Variants in ACADS observed in about 807,000 individuals in gnomAD.
ACADS encodes the protein acyl-CoA dehydrogenase short chain.
In ACADS, 28 loss-of-function variants were observed where a neutral mutation model predicts 46.8. The observed-to-expected ratio is 0.60, with a 90% confidence interval of 0.44 to 0.82. The LOEUF (loss-of-function observed/expected upper bound fraction) is 0.82. Ranked by LOEUF, ACADS falls within the 40% of genes least tolerant of loss-of-function variation. ACADS has a pLI of 0.00. For missense variants in ACADS, 528 were observed against 578.0 expected, an observed-to-expected ratio of 0.91 and a Z score of 0.89; for synonymous variants, 236 against 237.7, an observed-to-expected ratio of 0.99 and a Z score of 0.07.
chr12:120,737,876 G>C lies in ACADS; in HGVS notation c.512G>C (p.Arg171Pro). Residue 171 changes from arginine to proline, a missense_variant, in exon 5 of 10, where the codon CGG (arginine) becomes CCG (proline). Arg to Pro is a moderately radical substitution (Grantham distance 103). Transcript: ENST00000242592. The part of the protein sequence containing the change: ...SDAGAASTTA[R>P]AEGDSWVLNG... ...GCAGGAGCTGCGTCCACCACCGCCC[G>C]GGCCGAGGGCGACTCATGGGTTCTG... is the stretch of plus-strand genomic sequence containing the variant. The C allele has an allele frequency of 6.2e-7, 1 of 1,614,058 alleles. No homozygotes were observed. Among genetic ancestry groups the C allele is most frequent in the Non-Finnish European group, 8.5e-7 (1 of 1,179,966 alleles).
chr12:120,730,273 G>A (rs776423498), intron 2 of ACADS, among the ~76,000 whole-genome samples: 3 of 152,154 alleles, frequency 2.0e-5, no homozygotes, highest in Non-Finnish European at 2.9e-5. Context: ...GAGCCACCGC[G>A]CCCAGCTGGT....
At chr12:120,731,629 ATTTAT>A (rs1555243206) in intron 2 of ACADS, among the ~76,000 whole-genome samples, 1 of 149,502 alleles carries the variant, frequency 6.7e-6, no homozygotes, top group Non-Finnish European at 1.5e-5. Context: ...TAATTCTTGT[ATTTAT>A]TTTATTTTAT....
chr12:120,738,659 C>T lies in ACADS; in HGVS notation c.922C>T (p.Gln308Ter), dbSNP rs759485193. The T allele has an allele frequency of 5.6e-6, 9 of 1,612,080 alleles. No homozygotes were observed. The highest frequency in any genetic ancestry group is 5.5e-5 in the South Asian group (5 of 91,090). ...CTTCGGGGCGCCCCTCACCAAGCTCCAGGTCATCCAGGTAATGGTGGCAGC... is the reference window on the plus strand; with the variant it reads ...CTTCGGGGCGCCCCTCACCAAGCTCTAGGTCATCCAGGTAATGGTGGCAGC... ...MAFGAPLTKL[Q>*]VIQFKLADMA... Residue 308 changes from glutamine (Q) to a stop codon, truncating the protein, a stop_gained, in exon 7 of 10, where the codon CAG (glutamine) becomes TAG (stop). Coordinates refer to ENST00000242592, the MANE Select transcript of ACADS (RefSeq NM_000017.4). LOFTEE classifies it high-confidence loss of function.
chr12:120,737,735 T>C, intron 4 of ACADS, 102 bp from the exon 5 acceptor site: 1 of 1,532,814 alleles, frequency 6.5e-7, no homozygotes, highest in Non-Finnish European at 8.9e-7. Flanking sequence ...GCCCGAGTCA[T>C]AGGGTTTCGT....
intron 2 of ACADS, among the ~76,000 whole-genome samples, chr12:120,731,889 A>C (rs1293366458): frequency 6.6e-6 from 1 of 152,166 alleles, no homozygotes; most frequent in African/African-American, 2.4e-5. Context: ...CACATCTTGC[A>C]CCGCCCTTAA....
chr12:120,732,582 C>T (rs1433692520), intron 2 of ACADS, among the ~76,000 whole-genome samples: 7 of 149,474 alleles, frequency 4.7e-5, no homozygotes, highest in Non-Finnish European at 7.4e-5. Context: ...AGTTCCCAGA[C>T]GGGGTCGCGG....
chr12:120,736,494 C>G (rs2136947654), intron 2 of ACADS, among the ~76,000 whole-genome samples: 1 of 152,320 alleles, frequency 6.6e-6, no homozygotes, highest in East Asian at 1.9e-4. Context: ...AAGGATTTGA[C>G]TCAGCGAGGC....
At chr12:120,738,188 G>C (rs762621763) in intron 5 of ACADS, 92 bp from the exon 6 acceptor site, 1 of 1,600,150 alleles carries the variant, frequency 6.2e-7, no homozygotes, top group Admixed American at 1.7e-5. Flanking sequence ...TTCTGAGGGA[G>C]GTGGGGAGGG....
At chr12:120,726,861 G>C (rs1452978835) in intron 1 of ACADS, among the ~76,000 whole-genome samples, 165 bp from the exon 2 acceptor site, 2 of 152,116 alleles carry the variant, frequency 1.3e-5, no homozygotes, top group Non-Finnish European at 2.9e-5. Flanking sequence ...TATCCACTGG[G>C]TACCAATAGT....
Position 120,728,676 on chromosome 12 carries a change from T to G in ACADS, c.210+1487T>G, listed in dbSNP as rs1365515289. On this transcript the variant is annotated intron_variant, in intron 2 of 9. Coordinates refer to ENST00000242592, the MANE Select transcript of ACADS (RefSeq NM_000017.4). The surrounding 1 kb of genome is among the most constrained non-coding windows in gnomAD (Gnocchi z 4.0). ...CGCACACCACCATACCCGGCTAATTTTATGTATTTTAGTAGAGACGGGGTT... is the reference window on the plus strand; with the variant it reads ...CGCACACCACCATACCCGGCTAATTGTATGTATTTTAGTAGAGACGGGGTT... Among the ~76,000 whole-genome samples the G allele has an allele frequency of 6.6e-6, 1 of 151,056 alleles. No homozygotes were observed. The highest frequency in any genetic ancestry group is 1.5e-5 in the Non-Finnish European group (1 of 67,766).
At chr12:120,730,205 A>G (rs1265575881) in intron 2 of ACADS, among the ~76,000 whole-genome samples, 1 of 151,830 alleles carries the variant, frequency 6.6e-6, no homozygotes, top group African/African-American at 2.4e-5. Flanking sequence ...CTGGTCTCGA[A>G]CTCTTGACTT....
intron 2 of ACADS, among the ~76,000 whole-genome samples, chr12:120,736,074 C>T (rs1290554104): frequency 6.6e-6 from 1 of 151,998 alleles, no homozygotes; most frequent in African/African-American, 2.4e-5. Flanking sequence ...TTTACTTGTT[C>T]CTTTTTGAAG....
chr12:120,726,435 C>G (rs1021791569), intron 1 of ACADS, among the ~76,000 whole-genome samples: 3 of 152,234 alleles, frequency 2.0e-5, no homozygotes, highest in African/African-American at 7.2e-5. Flanking sequence ...CTGGTTAATA[C>G]AGTACCTTTC....
intron 2 of ACADS, among the ~76,000 whole-genome samples, chr12:120,727,473 C>G (rs990710658): frequency 2.0e-5 from 3 of 152,204 alleles, no homozygotes; most frequent in African/African-American, 7.2e-5. Context: ...ATGCACTAGG[C>G]ACTGTTCTTG....
At chr12:120,729,258 C>CTTTTTTT (rs137894149) in intron 2 of ACADS, among the ~76,000 whole-genome samples, 25 of 123,090 alleles carry the variant, frequency 2.0e-4, no homozygotes, top group Non-Finnish European at 3.1e-4. Flanking sequence ...TTTCTTTTTT[C>CTTTTTTT]TTTTTTTTTT....
Position 120,738,449 on chromosome 12 carries a change from T to C in ACADS, c.794T>C (p.Met265Thr). 1 of 1,609,498 alleles carries C rather than the reference T, an allele frequency of 6.2e-7. No homozygotes were observed. The highest frequency in any genetic ancestry group is 8.5e-7 in the Non-Finnish European group (1 of 1,179,816). Residue 265 changes from methionine to threonine, a missense_variant and splice_region_variant, in exon 6 of 10, where the codon ATG becomes ACG. Physicochemically the swap from Met to Thr is moderately conservative, Grantham distance 81. Coordinates refer to ENST00000242592, the MANE Select transcript of ACADS (RefSeq NM_000017.4). ...CCAGGGATGGGCTTCAAGATAGCCA[T>C]GGTGAGCCCGGCAGTGGGGGTGGCA... is the stretch of plus-strand genomic sequence containing the variant. ...GEPGMGFKIA[M>T]QTLDMGRIGI...
At chr12:120,737,156 C>T (rs372974263) in intron 3 of ACADS, 21 bp downstream of exon 3, 2 of 1,565,598 alleles carry the variant, frequency 1.3e-6, no homozygotes, top group South Asian at 1.2e-5. Context: ...TCCCAGGCCC[C>T]TGGGACACAC....
chr12:120,737,865 C>T lies in ACADS; in HGVS notation c.501C>T (p.Ser167=). Residue 167 remains serine (S), a synonymous_variant, in exon 5 of 10, where the codon TCC becomes TCT. Coordinates refer to ENST00000242592, the MANE Select transcript of ACADS (RefSeq NM_000017.4). The part of the protein sequence containing the change: ...PGNGSDAGAA[S]TTARAEGDSW... ...ACGGCAGTGATGCAGGAGCTGCGTC[C>T]ACCACCGCCCGGGCCGAGGGCGACT... is the stretch of plus-strand genomic sequence containing the variant. The T allele has an allele frequency of 6.2e-7, 1 of 1,613,890 alleles. No homozygotes were observed. The highest frequency in any genetic ancestry group is 1.1e-5 in the South Asian group (1 of 91,068).
In ACADS at chr12:120,728,765, G is replaced by A. The variant is rs541763342; in HGVS notation, c.210+1576G>A. 4.0e-5 allele frequency among the ~76,000 whole-genome samples: 6 copies of A among 150,764 alleles called. No homozygotes were observed. The highest frequency in any genetic ancestry group is 2.6e-4 in the Admixed American group (4 of 15,114). ...CAGGCAATCCACCCGCCTCGGCCTC[G>A]CAAAGTGCTGGGATTACAGGCGTGA... On this transcript the variant is annotated intron_variant, in intron 2 of 9. Transcript: ENST00000242592. The surrounding 1 kb of genome is among the most constrained non-coding windows in gnomAD (Gnocchi z 4.0).
Sources: gnomAD v4.1 joint callset for allele counts (sites outside exome capture counted in the v4.1 genomes callset) on GRCh38, gnomAD v4.1.1 for gene constraint, Gnocchi (gnomAD v3.1) non-coding constraint, MANE v1.5 for transcripts, NCBI Gene and HGNC (gene_info 2026-07-23, HGNC 2026-07-21) for gene names.